PRR19: variants seen among roughly 807,000 people sequenced by gnomAD.
The protein encoded by PRR19 is proline rich 19, also known as proline-rich protein 19.
A neutral mutation model predicts 19.2 loss-of-function variants in PRR19; 9 were observed. That is an observed-to-expected ratio of 0.47 (90% CI 0.28 to 0.82). The LOEUF is 0.82. Ranked by LOEUF, PRR19 falls within the 40% of genes least tolerant of loss-of-function variation. PRR19 has a pLI of 0.11. For missense variants in PRR19, 457 were observed against 466.0 expected (o/e 0.98, Z 0.18); for synonymous variants, 190 against 191.0 (o/e 0.99, Z 0.04).
At chr19:42,309,076 A>G (rs2038750437) in intron 1 of PRR19, 1 of 151,106 alleles carries the variant, frequency 6.6e-6, no homozygotes, top group African/African-American at 2.5e-5. Flanking sequence ...ATGCCCAGCT[A>G]ATTTTTTTTT....
chr19:42,304,547 G>A (rs963470279), intron 1 of PRR19, among the ~76,000 whole-genome samples: 1 of 150,974 alleles, frequency 6.6e-6, no homozygotes, highest in African/African-American at 2.4e-5. Context: ...GGTCAGGATC[G>A]AGACCATCCT....
chr19:42,303,107 T>TGTGTGTGTGTG, intron 1 of PRR19, among the ~76,000 whole-genome samples: 1 of 81,080 alleles, frequency 1.2e-5, no homozygotes. Flanking sequence ...GTGTGTGTGT[T>TGTGTGTGTGTG]GAAATCTAAA....
chr19:42,310,795 A>T lies in PRR19; in HGVS notation c.*55A>T. On this transcript the variant is annotated 3_prime_UTR_variant, in exon 3 of 3. Transcript: ENST00000341747. The stretch of plus-strand genomic sequence containing the variant: ...ATATCTTGTACTCCCAGTGACCTCA[A>T]TAAAGTACTTTTCATGGTCCTCTTG... 8.2e-7 allele frequency: 1 copy of T among 1,215,766 alleles called. No homozygotes were observed. Among genetic ancestry groups the T allele is most frequent in the Non-Finnish European group, 1.2e-6 (1 of 868,216 alleles). 75.3% of individuals were successfully genotyped at this position (1,215,766 alleles called of 1,614,324 possible).
chr19:42,303,832 GA>G (rs1244170118), intron 1 of PRR19, among the ~76,000 whole-genome samples: 1 of 152,118 alleles, frequency 6.6e-6, no homozygotes, highest in East Asian at 1.9e-4. Context: ...CTCTGGGGAG[GA>G]AGAGGAGAAG....
chr19:42,302,394 C>T lies in PRR19; in HGVS notation c.-116C>T, dbSNP rs1363459796. On this transcript the variant is annotated 5_prime_UTR_variant, in exon 1 of 3. Transcript: ENST00000341747. ...GGAGCTGGCTCCGCCACGCCCACTC[C>T]TACCCCTCGCGGCAACAAAGGACCG... is the stretch of plus-strand genomic sequence containing the variant. The T allele has an allele frequency of 3.2e-6, 4 of 1,251,212 alleles. No homozygotes were observed. Among genetic ancestry groups the T allele is most frequent in the Non-Finnish European group, 4.4e-6 (4 of 903,336 alleles). The allele number at this position is 1,251,212 out of a possible 1,614,324, so 77.5% of individuals were successfully genotyped here. A position where few individuals can be genotyped will look rare whatever the true frequency, so the allele number is the denominator to read the frequency against.
At chr19:42,309,524 G>T in intron 1 of PRR19, 55 bp from the exon 2 acceptor site, 2 of 1,364,242 alleles carry the variant, frequency 1.5e-6, no homozygotes, top group Non-Finnish European at 2.0e-6. Flanking sequence ...TATTCACTTT[G>T]CTACTCCCCT....
intron 1 of PRR19, among the ~76,000 whole-genome samples, chr19:42,306,508 T>C (rs1340591757): frequency 6.6e-6 from 1 of 151,714 alleles, no homozygotes; most frequent in Non-Finnish European, 1.5e-5. Context: ...CTCCCTATGT[T>C]GTCCAGGGTG....
rs367993817 is a variant in PRR19 at position 42,309,713 on chromosome 19, C to T, written c.129C>T (p.His43=). ...LVGSRRPLAH[H]DPPVAIRDPP... is the part of the protein sequence containing the mutation. ...GCAGCCGCCGGCCATTAGCCCACCA[C>T]GATCCTCCTGTGGCCATTCGGGATC... is the stretch of plus-strand genomic sequence containing the variant. Residue 43 remains histidine (H), a synonymous_variant, in exon 2 of 3, where the codon CAC becomes CAT. Transcript: ENST00000341747. The T allele has an allele frequency of 5.7e-5, 92 of 1,606,290 alleles. No individual in the cohort carries two copies. The East Asian group carries it at 1.1e-3, about 18-fold the overall frequency.
chr19:42,308,390 CTTTTTTTT>C (rs774768445), intron 1 of PRR19, among the ~76,000 whole-genome samples: 1 of 119,314 alleles, frequency 8.4e-6, no homozygotes, highest in African/African-American at 3.3e-5. Flanking sequence ...CCGAATCCAG[CTTTTTTTT>C]TTTTTTTTTT....
chr19:42,310,426 G>T lies in PRR19; in HGVS notation c.757G>T (p.Gly253Trp). 1 of 1,614,182 alleles carries T rather than the reference G, an allele frequency of 6.2e-7. No individual in the cohort carries two copies. The highest frequency in any genetic ancestry group is 1.1e-5 in the South Asian group (1 of 91,090). The change falls in exon 3 of 3, where the codon GGG (glycine) becomes TGG (tryptophan). Residue 253 changes from glycine (G) to tryptophan (W), a missense_variant. Gly to Trp is a radical substitution (Grantham distance 184). Coordinates refer to ENST00000341747, the MANE Select transcript of PRR19 (RefSeq NM_199285.3). The stretch of plus-strand genomic sequence containing the variant: ...CTCCAGCATGCCCACTGCGCACAGG[G>T]GGAGTCTGGCACCGCCAAGAGGTCC... ...YTSSMPTAHR[G>W]SLAPPRGPWP...
chr19:42,304,465 A>C (rs2038685459), intron 1 of PRR19, among the ~76,000 whole-genome samples: 1 of 150,860 alleles, frequency 6.6e-6, no homozygotes, highest in African/African-American at 2.4e-5. Flanking sequence ...AAAAAAAAAA[A>C]AAAAAGGCTG....
At chr19:42,303,454 A>C (rs937180961) in intron 1 of PRR19, 1 of 152,054 alleles carries the variant, frequency 6.6e-6, no homozygotes, top group Non-Finnish European at 1.5e-5. Flanking sequence ...CGCTGCCCCA[A>C]ATTAATCTCA....
At chr19:42,306,692 A>C (rs546468440) in intron 1 of PRR19, among the ~76,000 whole-genome samples, 1 of 152,182 alleles carries the variant, frequency 6.6e-6, no homozygotes, top group African/African-American at 2.4e-5. Context: ...TCCCTTTGGC[A>C]CGCCTGGTCT....
rs201517615 is a variant in PRR19, at chr19:42,309,732, C to T, written c.148C>T (p.Arg50Trp). The change falls in exon 2 of 3, where the codon CGG (arginine) becomes TGG (tryptophan). Residue 50 changes from arginine to tryptophan, a missense_variant. Transcript: ENST00000341747. ...LAHHDPPVAIRDPPVVPTASK... is the reference protein window; with the variant it reads ...LAHHDPPVAIWDPPVVPTASK... Reference sequence around the variant, plus strand: ...CCACCACGATCCTCCTGTGGCCATTCGGGATCCACCTGTGGTCCCTACTGC... The same window carrying T: ...CCACCACGATCCTCCTGTGGCCATTTGGGATCCACCTGTGGTCCCTACTGC... The T allele has an allele frequency of 9.0e-5, 145 of 1,607,080 alleles. No homozygotes were observed. Among genetic ancestry groups the T allele is most frequent in the Middle Eastern group, 1.6e-4 (1 of 6,074 alleles).
Position 42,310,557 on chromosome 19 carries a change from CCCT to C in PRR19, c.893_895del (p.Pro298del), listed in dbSNP as rs751776389. ...GCATCTGGCTGGTAGCCACGCCACC[CCCT>C]CCTCGGCCCTGGGGGGTTGGCCTCC... On this transcript the variant is annotated inframe_deletion, in exon 3 of 3. Coordinates refer to ENST00000341747, the MANE Select transcript of PRR19 (RefSeq NM_199285.3). The C allele has an allele frequency of 5.0e-6, 8 of 1,614,060 alleles. No homozygotes were observed. The highest frequency in any genetic ancestry group is 8.5e-7 in the Non-Finnish European group (1 of 1,180,032).
At chr19:42,304,455 A>G (rs1456188817) in intron 1 of PRR19, among the ~76,000 whole-genome samples, 1 of 150,026 alleles carries the variant, frequency 6.7e-6, no homozygotes, top group Non-Finnish European at 1.5e-5. Flanking sequence ...CCTGTCTAAA[A>G]AAAAAAAAAA....
intron 1 of PRR19, 40 bp downstream of exon 1, chr19:42,302,543 C>T (rs1475363141): frequency 1.8e-5 from 9 of 489,996 alleles, no homozygotes; most frequent in African/African-American, 1.2e-4. Flanking sequence ...CCACGACGGC[C>T]GCACAGTGGG....
At chr19:42,304,616 G>A (rs560003554) in intron 1 of PRR19, among the ~76,000 whole-genome samples, 1 of 151,636 alleles carries the variant, frequency 6.6e-6, no homozygotes, top group East Asian at 2.0e-4. Context: ...GGGGCGTGGT[G>A]GCAGGCGCCT....
intron 1 of PRR19, among the ~76,000 whole-genome samples, chr19:42,306,694 G>T (rs116079659): frequency 0.011 from 1,650 of 152,284 alleles, 43 homozygotes; most frequent in African/African-American, 0.038. Context: ...CCTTTGGCAC[G>T]CCTGGTCTCA....
Sources: gnomAD v4.1 joint callset for allele counts (sites outside exome capture counted in the v4.1 genomes callset) on GRCh38, gnomAD v4.1.1 for gene constraint, MANE v1.5 for transcripts, NCBI Gene and HGNC (gene_info 2026-07-23, HGNC 2026-07-21) for gene names.